MLLT1: variants seen among roughly 807,000 people sequenced by gnomAD.
MLLT1 encodes protein ENL.
A neutral mutation model predicts 55.1 loss-of-function variants in MLLT1; 11 were observed. The ratio of observed to expected loss-of-function variants is 0.20; its 90% CI spans 0.13 to 0.33. The LOEUF is 0.33. Among genes scored for constraint, MLLT1 ranks in the 10% least tolerant of loss-of-function variants. MLLT1 has a pLI of 1.00. For synonymous variants in MLLT1, 323 were observed against 320.1 expected (o/e 1.01, Z -0.10); for missense variants, 536 against 760.6 (o/e 0.70, Z 3.47).
chr19:6,231,406 G>A lies in MLLT1; in HGVS notation c.277-693C>T, dbSNP rs963292790. 6.6e-6 allele frequency among the ~76,000 whole-genome samples: 1 copy of A among 152,212 alleles called. No homozygotes were observed. The highest frequency in any genetic ancestry group is 6.5e-5 in the Admixed American group (1 of 15,284). On this transcript the variant is annotated intron_variant, in intron 3 of 11. Transcript: ENST00000252674. The surrounding 1 kb of genome is among the most constrained non-coding windows in gnomAD (Gnocchi z 5.1). ...TGATGAATACAGAAAGGCCAGGAGG[G>A]CTCAGGGCAGGCAGGCTTGCAGGAA... is the stretch of plus-strand genomic sequence containing the variant.
chr19:6,255,536 A>C (rs2091250664), intron 3 of MLLT1, among the ~76,000 whole-genome samples: 1 of 152,198 alleles, frequency 6.6e-6, no homozygotes, highest in Admixed American at 6.5e-5. Context: ...TTAAGCACAC[A>C]GGTAAAAGAC....
intron 8 of MLLT1, among the ~76,000 whole-genome samples, chr19:6,215,723 G>C (rs1206415889): frequency 6.6e-6 from 1 of 152,166 alleles, no homozygotes; most frequent in Non-Finnish European, 1.5e-5. Context: ...CTCACGGGAG[G>C]AGGGGCTGAC....
intron 3 of MLLT1, among the ~76,000 whole-genome samples, chr19:6,242,557 C>T (rs747762429): frequency 1.9e-4 from 29 of 152,192 alleles, no homozygotes; most frequent in Non-Finnish European, 3.7e-4. Context: ...TTCTTTTTCA[C>T]ACTTGGCCAT....
Position 6,214,057 on chromosome 19 carries a change from G to A in MLLT1, c.1308-19C>T. ...GCTCAACCTGAACCGACACACGGGGGCGCATCAGGCCCCTGCCGCCACCAC... is the reference window on the plus strand; with the variant it reads ...GCTCAACCTGAACCGACACACGGGGACGCATCAGGCCCCTGCCGCCACCAC... On this transcript the variant is annotated intron_variant, in intron 8 of 11. Coordinates refer to ENST00000252674, the MANE Select transcript of MLLT1 (RefSeq NM_005934.4). 1.4e-6 allele frequency: 2 copies of A among 1,398,656 alleles called. No homozygotes were observed. Among genetic ancestry groups the A allele is most frequent in the South Asian group, 3.4e-5 (2 of 58,266 alleles). 86.6% of individuals were successfully genotyped at this position (1,398,656 alleles called of 1,614,324 possible).
intron 4 of MLLT1, among the ~76,000 whole-genome samples, chr19:6,228,652 C>G (rs2090976600): frequency 6.6e-6 from 1 of 152,212 alleles, no homozygotes; most frequent in African/African-American, 2.4e-5. Flanking sequence ...CCGGGTCTCC[C>G]AGCACCCACG....
chr19:6,244,552 A>G (rs2091149334), intron 3 of MLLT1, among the ~76,000 whole-genome samples: 2 of 152,010 alleles, frequency 1.3e-5, no homozygotes, highest in Admixed American at 1.3e-4. Context: ...AACCAGAAGC[A>G]CTCGCCAGAA....
At chr19:6,234,209 G>A (rs1351437832) in intron 3 of MLLT1, among the ~76,000 whole-genome samples, 1 of 152,248 alleles carries the variant, frequency 6.6e-6, no homozygotes, top group Non-Finnish European at 1.5e-5. Flanking sequence ...GGACTGCGGT[G>A]TCCTCGCGGG....
chr19:6,242,616 T>C (rs2091125891), intron 3 of MLLT1, among the ~76,000 whole-genome samples: 1 of 152,188 alleles, frequency 6.6e-6, no homozygotes, highest in African/African-American at 2.4e-5. Flanking sequence ...CCTCATGTGC[T>C]TTCTCTCCTG....
intron 3 of MLLT1, among the ~76,000 whole-genome samples, chr19:6,245,713 A>T (rs1277319143): frequency 3.4e-5 from 5 of 146,086 alleles, no homozygotes; most frequent in Non-Finnish European, 6.0e-5. Flanking sequence ...TCCGTCTCAA[A>T]AAATAAACAA....
rs568775680 is a variant in MLLT1, at chr19:6,256,174, G to A, written c.276+6054C>T. ...AGAGGTTGCGATGAGCCAGGATCGT[G>A]CCACTGCACTCCAGCCTGGACAAGA... is the stretch of plus-strand genomic sequence containing the variant. On this transcript the variant is annotated intron_variant, in intron 3 of 11. Transcript: ENST00000252674. The surrounding 1 kb of genome is among the most constrained non-coding windows in gnomAD (Gnocchi z 4.1). Among the ~76,000 whole-genome samples, 2 of 151,298 alleles carry A rather than the reference G, an allele frequency of 1.3e-5. No individual in the cohort carries two copies. Among genetic ancestry groups the A allele is most frequent in the South Asian group, 4.2e-4 (2 of 4,794 alleles).
intron 1 of MLLT1, among the ~76,000 whole-genome samples, chr19:6,275,751 A>T (rs2091424429): frequency 6.6e-6 from 1 of 152,138 alleles, no homozygotes; most frequent in African/African-American, 2.4e-5. Flanking sequence ...GCACTCAATG[A>T]ATTTCTCTCT....
At position 6,256,042 on chromosome 19, in the gene MLLT1, C is replaced by T. The variant is rs2091254494; in HGVS notation, c.276+6186G>A. On this transcript the variant is annotated intron_variant, in intron 3 of 11. Coordinates refer to ENST00000252674, the MANE Select transcript of MLLT1 (RefSeq NM_005934.4). This position sits in a 1 kb window ranked among gnomAD's most constrained non-coding sequence, Gnocchi z 4.1. ...ACCAGCCTGGCCAATGTGGTGAAAC[C>T]CCATCTCTACTAAAAATGCAAAAAA... Among the ~76,000 whole-genome samples, 1 of 151,922 alleles carries T rather than the reference C, an allele frequency of 6.6e-6. No homozygotes were observed. Among genetic ancestry groups the T allele is most frequent in the Admixed American group, 6.6e-5 (1 of 15,244 alleles).
At chr19:6,279,143 G>C (rs2091443582) in intron 1 of MLLT1, among the ~76,000 whole-genome samples, 2 of 152,092 alleles carry the variant, frequency 1.3e-5, no homozygotes, top group Admixed American at 1.3e-4. Context: ...AAGGAAGAGA[G>C]ACGCCGCAGA....
chr19:6,224,948 CT>C (rs2090940850), intron 5 of MLLT1, among the ~76,000 whole-genome samples: 1 of 152,226 alleles, frequency 6.6e-6, no homozygotes, highest in Admixed American at 6.5e-5. Flanking sequence ...CCAGGATGGT[CT>C]CCATCTCCTG....
intron 8 of MLLT1, among the ~76,000 whole-genome samples, chr19:6,215,652 G>C (rs2090835089): frequency 6.6e-6 from 1 of 152,204 alleles, no homozygotes; most frequent in South Asian, 2.1e-4. Flanking sequence ...CACCTTGCTG[G>C]GTGCAGGGTG....
At chr19:6,239,336 A>G (rs894768061) in intron 3 of MLLT1, among the ~76,000 whole-genome samples, 3 of 152,170 alleles carry the variant, frequency 2.0e-5, no homozygotes, top group African/African-American at 7.2e-5. Context: ...GTATAAACCA[A>G]CGTACGAGGG....
At chr19:6,245,257 C>CTTTT (rs71172798) in intron 3 of MLLT1, among the ~76,000 whole-genome samples, 1 of 133,726 alleles carries the variant, frequency 7.5e-6, no homozygotes, top group Non-Finnish European at 1.6e-5. Flanking sequence ...TTCTTTCTTT[C>CTTTT]TTTTTTTTTT....
At chr19:6,249,270 C>CT (rs906743232) in intron 3 of MLLT1, among the ~76,000 whole-genome samples, 40 of 152,118 alleles carry the variant, frequency 2.6e-4, no homozygotes, top group Non-Finnish European at 4.0e-4. Context: ...TTCTTTTGAA[C>CT]TTTTTTAACG....
intron 1 of MLLT1, among the ~76,000 whole-genome samples, chr19:6,275,925 G>A (rs948840058): frequency 1.3e-5 from 2 of 152,194 alleles, no homozygotes; most frequent in African/African-American, 4.8e-5. Flanking sequence ...ACAGTGTACC[G>A]GCTATCTCCC....
Sources: gnomAD v4.1 joint callset for allele counts (sites outside exome capture counted in the v4.1 genomes callset) on GRCh38, gnomAD v4.1.1 for gene constraint, Gnocchi (gnomAD v3.1) non-coding constraint, MANE v1.5 for transcripts, NCBI Gene and HGNC (gene_info 2026-07-23, HGNC 2026-07-21) for gene names.